The following REV3L variants were observed in gnomAD, a reference collection of about 807,000 sequenced individuals.
The protein encoded by REV3L is DNA polymerase zeta catalytic subunit.
In REV3L, 69 loss-of-function variants were observed where a neutral mutation model predicts 299.4. The ratio of observed to expected loss-of-function variants is 0.23; its 90% CI spans 0.19 to 0.28. The LOEUF (loss-of-function observed/expected upper bound fraction) is 0.28, where lower values mean the gene tolerates loss of function less well. REV3L is among the 10% of genes least tolerant of loss of function. The pLI, the probability that REV3L is intolerant of heterozygous loss-of-function variation, is 1.00. For missense variants in REV3L, 3,128 were observed against 3,693.8 expected (o/e 0.85, Z 3.97); for synonymous variants, 1,238 against 1,271.4 (o/e 0.97, Z 0.56).
At position 111,462,596 on chromosome 6, in the gene REV3L, C is replaced by CA. The variant is rs540465024; in HGVS notation, c.139+20153dup. On this transcript the variant is annotated intron_variant, in intron 1 of 31. Coordinates refer to ENST00000368802, the MANE Select transcript of REV3L (RefSeq NM_001372078.1). ...TCTCTCACTAGTGATGAAAAATGTA[C>CA]AAACCCACAATGAGATGTTTTAAAT... Among the ~76,000 whole-genome samples, 71 of 152,168 alleles carry CA rather than the reference C, an allele frequency of 4.7e-4. 1 individual carries two copies. Among genetic ancestry groups the CA allele is most frequent in the Middle Eastern group, 3.4e-3 (1 of 294 alleles).
chr6:111,390,154 G>A lies in REV3L; in HGVS notation c.689C>T (p.Pro230Leu). ...PSSLILEGVE[P>L]QSTCELEVDA... ...CACTTCTAATTCACATGTACTCTGT[G>A]GTTCAACACCTTCCAATATTAAAGA... is the stretch of plus-strand genomic sequence containing the variant. Residue 230 changes from proline to leucine, a missense_variant, in exon 6 of 32, where the codon CCA (proline) becomes CTA (leucine). Transcript: ENST00000368802. 1.2e-6 allele frequency: 2 copies of A among 1,606,292 alleles called. No homozygotes were observed. The highest frequency in any genetic ancestry group is 8.5e-7 in the Non-Finnish European group (1 of 1,173,338).
chr6:111,357,375 G>T (rs879732054), intron 17 of REV3L, among the ~76,000 whole-genome samples: 99 of 152,222 alleles, frequency 6.5e-4, no homozygotes, highest in African/African-American at 2.4e-3. Context: ...TGAAAAGGCT[G>T]CATTCATAAA....
chr6:111,464,623 A>G (rs1050788732), intron 1 of REV3L, among the ~76,000 whole-genome samples: 3 of 152,134 alleles, frequency 2.0e-5, no homozygotes, highest in Non-Finnish European at 4.4e-5. Context: ...ATAAGAAAAA[A>G]GAAATGAATA....
Position 111,482,872 on chromosome 6 carries a change from A to G in REV3L, c.17T>C (p.Ile6Thr). Residue 6 changes from isoleucine to threonine, a missense_variant, in exon 1 of 32, where the codon ATA (isoleucine) becomes ACA (threonine). By Grantham distance (89) the Ile-to-Thr change is moderately conservative. Transcript: ENST00000368802. MFSVRIVTADYYMASP... is the reference protein window; with the variant it reads MFSVRTVTADYYMASP... Reference sequence around the variant, plus strand: ...GGCCATGTAGTAGTCTGCAGTCACTATCCTTACTGAAAACATGTTCGCCGC... The same window carrying G: ...GGCCATGTAGTAGTCTGCAGTCACTGTCCTTACTGAAAACATGTTCGCCGC... 6.6e-7 allele frequency: 1 copy of G among 1,517,060 alleles called. No homozygotes were observed. The allele number at this position is 1,517,060 out of a possible 1,614,324, so 94.0% of individuals were successfully genotyped here. A position where few individuals can be genotyped will look rare whatever the true frequency, so the allele number is the denominator to read the frequency against.
In REV3L at chr6:111,343,932, G is replaced by A. The variant is rs1310878761; in HGVS notation, c.7531C>T (p.Leu2511=). The change falls in exon 21 of 32, where the codon CTA becomes TTA. Residue 2511 remains leucine (L), a synonymous_variant. Coordinates refer to ENST00000368802, the MANE Select transcript of REV3L (RefSeq NM_001372078.1). ...AGAGTTATAGAACAGTACCTGTATA[G>A]ATCTGTCTTGTTATCAAACCAGTCT... The part of the protein sequence containing the change: ...LSDWFDNKTD[L]YRWKMVDHYV... 6 of 1,579,278 alleles carry A rather than the reference G, an allele frequency of 3.8e-6. No individual in the cohort carries two copies. Among genetic ancestry groups the A allele is most frequent in the Non-Finnish European group, 5.2e-6 (6 of 1,152,092 alleles).
At position 111,315,312 on chromosome 6, in the gene REV3L, A is replaced by T. The variant is rs752665129; in HGVS notation, c.8421T>A (p.Ala2807=). Residue 2807 remains alanine, a synonymous_variant, in exon 27 of 32, where the codon GCT becomes GCA. Coordinates refer to ENST00000368802, the MANE Select transcript of REV3L (RefSeq NM_001372078.1). The stretch of plus-strand genomic sequence containing the variant: ...CTGGTTTAGGATTGGTAGCAGTTAC[A>T]GCTTCGGCAATTTCCTGACCAATCT... ...SFKIGQEIAE[A]VTATNPKPVK... The T allele has an allele frequency of 1.9e-6, 3 of 1,614,134 alleles. No individual in the cohort carries two copies. The highest frequency in any genetic ancestry group is 1.7e-6 in the Non-Finnish European group (2 of 1,180,008).
chr6:111,438,026 T>TA (rs1231428031), intron 1 of REV3L, among the ~76,000 whole-genome samples: 1 of 150,612 alleles, frequency 6.6e-6, no homozygotes, highest in Admixed American at 6.6e-5. Flanking sequence ...TTTTTTTTTT[T>TA]TATTTTTATT....
At chr6:111,307,716 C>A in intron 30 of REV3L, 146 bp from the exon 31 acceptor site, 3 of 712,208 alleles carry the variant, frequency 4.2e-6, no homozygotes, top group Non-Finnish European at 7.2e-6. Context: ...ATGTGCCAGG[C>A]ACTGTTCCAG....
chr6:111,385,014 G>A (rs1449339338), intron 9 of REV3L, among the ~76,000 whole-genome samples: 1 of 152,088 alleles, frequency 6.6e-6, no homozygotes, highest in Non-Finnish European at 1.5e-5. Context: ...GACAAACTTT[G>A]CATGTTCTCA....
At chr6:111,433,853 C>T (rs1055346394) in intron 1 of REV3L, among the ~76,000 whole-genome samples, 2 of 152,266 alleles carry the variant, frequency 1.3e-5, no homozygotes, top group Non-Finnish European at 2.9e-5. Flanking sequence ...AGATCATTCA[C>T]CACGATCAAG....
intron 21 of REV3L, among the ~76,000 whole-genome samples, chr6:111,342,376 AG>A (rs1419887121): frequency 8.5e-5 from 13 of 152,140 alleles, no homozygotes; most frequent in African/African-American, 2.6e-4. Context: ...CCAGAAGAAT[AG>A]GAAGATCCAG....
chr6:111,361,419 CAAAAAAAAAA>C (rs71021837), intron 16 of REV3L: 1 of 86,610 alleles, frequency 1.2e-5, no homozygotes. Flanking sequence ...CACACACACA[CAAAAAAAAAA>C]ACAAAAAAAA....
At chr6:111,300,547 C>T (rs1198751197) in intron 31 of REV3L, among the ~76,000 whole-genome samples, 1 of 152,184 alleles carries the variant, frequency 6.6e-6, no homozygotes, top group Non-Finnish European at 1.5e-5. Context: ...TACTCTTTTT[C>T]GTATTCCAGA....
intron 27 of REV3L, among the ~76,000 whole-genome samples, chr6:111,314,101 A>C (rs1403284128): frequency 1.3e-5 from 2 of 152,202 alleles, no homozygotes; most frequent in Admixed American, 1.3e-4. Flanking sequence ...TGGCTCTTAG[A>C]GGGCAGGACT....
At position 111,375,179 on chromosome 6, in the gene REV3L, G is replaced by C. The variant is rs1780178138; in HGVS notation, c.3176C>G (p.Thr1059Ser). Residue 1059 changes from threonine to serine, a missense_variant, in exon 13 of 32, where the codon ACT becomes AGT. Around this residue, in one of 9 missense-constraint regions of REV3L, gnomAD observed 2,409 missense variants for 2,611.8 expected, o/e 0.92. Coordinates refer to ENST00000368802, the MANE Select transcript of REV3L (RefSeq NM_001372078.1). ...KSKHKSAKKKTGKQQRTNNEN... is the reference protein window; with the variant it reads ...KSKHKSAKKKSGKQQRTNNEN... ...ATTATTTGTCCTTTGTTGTTTACCA[G>C]TTTTTTTCTTAGCAGATTTATGTTT... 1 of 1,609,062 alleles carries C rather than the reference G, an allele frequency of 6.2e-7. No individual in the cohort carries two copies.
At chr6:111,413,680 T>C (rs1784480586) in intron 2 of REV3L, among the ~76,000 whole-genome samples, 3 of 151,930 alleles carry the variant, frequency 2.0e-5, no homozygotes, top group Admixed American at 6.6e-5. Flanking sequence ...AAAGGGGATC[T>C]AGGGAAGAAA....
chr6:111,400,021 T>C (rs1242152937), intron 4 of REV3L, among the ~76,000 whole-genome samples: 1 of 152,214 alleles, frequency 6.6e-6, no homozygotes, highest in African/African-American at 2.4e-5. Flanking sequence ...ACACAGTTTG[T>C]ATCCTTTTCG....
At chr6:111,412,312 G>C in intron 2 of REV3L, 1 of 970,722 alleles carries the variant, frequency 1.0e-6, no homozygotes, top group Middle Eastern at 5.3e-4. Context: ...TGAGGAAAGG[G>C]GGAAGCAAAA....
chr6:111,437,861 AT>A (rs1019123139), intron 1 of REV3L, among the ~76,000 whole-genome samples: 13 of 149,812 alleles, frequency 8.7e-5, no homozygotes, highest in Non-Finnish European at 1.3e-4. Flanking sequence ...AACTTACATA[AT>A]TTTTTTTTTG....
Sources: allele counts gnomAD v4.1 joint callset (sites outside exome capture counted in the v4.1 genomes callset), GRCh38; gene constraint gnomAD v4.1.1; regional missense constraint gnomAD v4.1.1; transcripts MANE v1.5; gene names NCBI Gene and HGNC (gene_info 2026-07-23, HGNC 2026-07-21).